Variants in RABL3 observed in about 807,000 individuals in gnomAD.
RABL3 encodes rab-like protein 3.
RABL3 carries 31 observed loss-of-function variants against 31.8 expected under a neutral mutation model. That is an observed-to-expected ratio of 0.97 (90% CI 0.73 to 1.31). The LOEUF (loss-of-function observed/expected upper bound fraction) is 1.31. Among genes scored for constraint, RABL3 ranks in the 40% most tolerant of loss-of-function variants. The pLI, the probability that RABL3 is intolerant of heterozygous loss-of-function variation, is 0.00. For synonymous variants in RABL3, 97 were observed against 99.9 expected, an observed-to-expected ratio of 0.97 and a Z score of 0.18; for missense variants, 263 against 279.6, an observed-to-expected ratio of 0.94 and a Z score of 0.42.
intron 3 of RABL3, among the ~76,000 whole-genome samples, chr3:120,707,712 G>A (rs1348299237): frequency 1.3e-5 from 2 of 152,034 alleles, no homozygotes; most frequent in Non-Finnish European, 2.9e-5. Context: ...AATTTTGGAC[G>A]GGGGAGTAAA....
At chr3:120,694,941 G>T (rs537850616) in intron 5 of RABL3, among the ~76,000 whole-genome samples, 1 of 149,990 alleles carries the variant, frequency 6.7e-6, no homozygotes, top group African/African-American at 2.4e-5. Flanking sequence ...CCTACTATCC[G>T]CTGGAATTCC....
At chr3:120,698,963 C>G (rs1421763333) in intron 4 of RABL3, among the ~76,000 whole-genome samples, 1 of 152,154 alleles carries the variant, frequency 6.6e-6, no homozygotes, top group Non-Finnish European at 1.5e-5. Context: ...TGGATTTAAG[C>G]CTCATCGTAG....
chr3:120,715,147 T>C (rs1483330131), intron 2 of RABL3, among the ~76,000 whole-genome samples: 4 of 152,218 alleles, frequency 2.6e-5, no homozygotes, highest in African/African-American at 9.6e-5. Context: ...CATTCAATCA[T>C]TAGTGCCTAG....
At chr3:120,705,781 A>G (rs957231338) in intron 4 of RABL3, among the ~76,000 whole-genome samples, 2 of 152,232 alleles carry the variant, frequency 1.3e-5, no homozygotes, top group African/African-American at 4.8e-5. Flanking sequence ...GAGTTCTGAG[A>G]CATGATATCA....
At chr3:120,737,338 A>T (rs1375999810) in intron 1 of RABL3, among the ~76,000 whole-genome samples, 2 of 152,188 alleles carry the variant, frequency 1.3e-5, no homozygotes, top group African/African-American at 4.8e-5. Context: ...CTTGTGCATC[A>T]TCACGTAGTT....
intron 2 of RABL3, among the ~76,000 whole-genome samples, chr3:120,717,982 A>G (rs1708690412): frequency 6.6e-6 from 1 of 152,214 alleles, no homozygotes; most frequent in Non-Finnish European, 1.5e-5. Context: ...CACTCAAGAC[A>G]TTTATATCCC....
At chr3:120,742,609 C>A (rs569359174), upstream of RABL3, 24 of 1,159,502 alleles carry the variant, frequency 2.1e-5, no homozygotes, top group Non-Finnish European at 2.7e-5. Context: ...CCACTCGGAG[C>A]GTGACTGTCT....
At chr3:120,735,909 A>C (rs905658277) in intron 1 of RABL3, among the ~76,000 whole-genome samples, 4 of 152,164 alleles carry the variant, frequency 2.6e-5, no homozygotes, top group African/African-American at 9.7e-5. Context: ...GGTCTGAGAG[A>C]CAGTTTGTTA....
Position 120,685,944 on chromosome 3 carries a change from C to T in RABL3, c.*3879G>A, listed in dbSNP as rs1355867165. On this transcript the variant is annotated 3_prime_UTR_variant, in exon 8 of 8. Coordinates refer to ENST00000273375, the MANE Select transcript of RABL3 (RefSeq NM_173825.5). ...CAGCAAGCACTTCAGGGGATTCTTA[C>T]ACACTTCAGAGTTTGAAAGCCCTCC... Among the ~76,000 whole-genome samples, 1 of 152,188 alleles carries T rather than the reference C, an allele frequency of 6.6e-6. No individual in the cohort carries two copies. Among genetic ancestry groups the T allele is most frequent in the Non-Finnish European group, 1.5e-5 (1 of 68,040 alleles).
intron 2 of RABL3, among the ~76,000 whole-genome samples, chr3:120,721,395 T>C (rs915283065): frequency 6.6e-5 from 10 of 151,792 alleles, no homozygotes; most frequent in Non-Finnish European, 8.8e-5. Context: ...GACTGGCAAA[T>C]TGTCAAGACC....
chr3:120,690,448 C>T lies in RABL3; in HGVS notation c.645+1G>A. 6.3e-7 allele frequency: 1 copy of T among 1,576,252 alleles called. No individual in the cohort carries two copies. Among genetic ancestry groups the T allele is most frequent in the Non-Finnish European group, 8.7e-7 (1 of 1,146,290 alleles). ...ATTTTATCAAGAAAAGAGATACCAA[C>T]CTGATTACCTTCTCTTAAAAAGTAT... On this transcript the variant is annotated splice_donor_variant, in intron 7 of 7. Transcript: ENST00000273375. LOFTEE classifies it high-confidence loss of function.
At chr3:120,717,603 G>C (rs2107586925) in intron 2 of RABL3, among the ~76,000 whole-genome samples, 1 of 152,244 alleles carries the variant, frequency 6.6e-6, no homozygotes, top group Non-Finnish European at 1.5e-5. Flanking sequence ...CGAGTAGCTA[G>C]GATTACAGGT....
chr3:120,735,202 A>C (rs1279316355), intron 1 of RABL3, among the ~76,000 whole-genome samples: 1 of 146,606 alleles, frequency 6.8e-6, no homozygotes, highest in African/African-American at 2.4e-5. Flanking sequence ...TAGGCTATTA[A>C]TTATTGCCTC....
intron 2 of RABL3, among the ~76,000 whole-genome samples, chr3:120,718,099 C>A (rs1708691804): frequency 6.6e-6 from 1 of 152,132 alleles, no homozygotes; most frequent in East Asian, 1.9e-4. Flanking sequence ...CTAATTGTTT[C>A]CTTCTCCAAA....
At position 120,706,204 on chromosome 3, in the gene RABL3, T is replaced by C; in HGVS notation, c.269-90A>G. ...AATGAAGCTTAGTAAACAGAAGCAT[T>C]AGGTTGCTTAATGAATCTAGCATTC... On this transcript the variant is annotated intron_variant, in intron 3 of 7. Transcript: ENST00000273375. 5.2e-6 allele frequency: 4 copies of C among 769,118 alleles called. No homozygotes were observed. In the South Asian group the frequency reaches 6.3e-5, roughly 12 times the overall value. The allele number at this position is 769,118 out of a possible 1,614,324, so 47.6% of individuals were successfully genotyped here. A position where few individuals can be genotyped will look rare whatever the true frequency, so the allele number is the denominator to read the frequency against.
chr3:120,727,629 C>T (rs770701059), intron 2 of RABL3, among the ~76,000 whole-genome samples: 12 of 152,042 alleles, frequency 7.9e-5, no homozygotes, highest in Non-Finnish European at 1.8e-4. Context: ...AGAAAACCCA[C>T]AATGAGATTA....
rs373261994 is a variant in RABL3 at position 120,685,148 on chromosome 3, T to A, written c.*4675A>T. Among the ~76,000 whole-genome samples, 2 of 152,200 alleles carry A rather than the reference T, an allele frequency of 1.3e-5. No homozygotes were observed. Among genetic ancestry groups the A allele is most frequent in the East Asian group, 1.9e-4 (1 of 5,184 alleles). ...AAGACTATGTCTGAGCCAAGTCCCA[T>A]AGAGTAAGAGTTGGATAGAAAGTGG... On this transcript the variant is annotated 3_prime_UTR_variant, in exon 8 of 8. Coordinates refer to ENST00000273375, the MANE Select transcript of RABL3 (RefSeq NM_173825.5).
At chr3:120,734,527 C>G (rs1708930488) in intron 1 of RABL3, among the ~76,000 whole-genome samples, 2 of 152,126 alleles carry the variant, frequency 1.3e-5, no homozygotes, top group Non-Finnish European at 2.9e-5. Flanking sequence ...TAATTGAATA[C>G]CCTTTATTTC....
chr3:120,700,409 C>T (rs1257459206), intron 4 of RABL3, among the ~76,000 whole-genome samples: 2 of 151,930 alleles, frequency 1.3e-5, no homozygotes, highest in African/African-American at 4.8e-5. Context: ...ATATAGGAAA[C>T]TGTACAAGAC....
Sources: allele counts gnomAD v4.1 joint callset (sites outside exome capture counted in the v4.1 genomes callset), GRCh38; gene constraint gnomAD v4.1.1; transcripts MANE v1.5; gene names NCBI Gene and HGNC (gene_info 2026-07-23, HGNC 2026-07-21).